TMEM232: variants seen among roughly 807,000 people sequenced by gnomAD.
The protein encoded by TMEM232 is transmembrane protein 232.
A neutral mutation model predicts 78.8 loss-of-function variants in TMEM232; 80 were observed. The ratio of observed to expected loss-of-function variants is 1.01; its 90% confidence interval spans 0.85 to 1.22. TMEM232 has a LOEUF of 1.22. TMEM232 is among the 50% of genes most tolerant of loss of function. TMEM232 has a pLI of 0.00. For missense variants in TMEM232, 881 were observed against 742.2 expected, an observed-to-expected ratio of 1.19 and a Z score of -2.17; for synonymous variants, 297 against 254.3, an observed-to-expected ratio of 1.17 and a Z score of -1.60.
chr5:110,721,338 C>T (rs1400581441), intron 1 of TMEM232, among the ~76,000 whole-genome samples: 2 of 151,772 alleles, frequency 1.3e-5, no homozygotes, highest in Non-Finnish European at 2.9e-5. Flanking sequence ...GCTTTTTGTG[C>T]GTCTTTTAAG....
intron 13 of TMEM232, among the ~76,000 whole-genome samples, chr5:110,423,438 A>T (rs767280205): frequency 1.3e-5 from 2 of 152,180 alleles, no homozygotes; most frequent in Non-Finnish European, 2.9e-5. Context: ...AAAATAAGTG[A>T]TATATACATG....
chr5:110,663,591 G>A (rs902949963), intron 2 of TMEM232, among the ~76,000 whole-genome samples: 2 of 151,720 alleles, frequency 1.3e-5, no homozygotes, highest in East Asian at 1.9e-4. Context: ...TAAATGGAGC[G>A]ATATACCATG....
chr5:110,520,799 T>A (rs1005018549), intron 12 of TMEM232, among the ~76,000 whole-genome samples: 2 of 152,062 alleles, frequency 1.3e-5, no homozygotes, highest in African/African-American at 4.8e-5. Flanking sequence ...ATGCTTATAA[T>A]CCCAGCTGCT....
At chr5:110,738,334 T>G (rs1409287239), upstream of TMEM232, 1 of 1,063,000 alleles carries the variant, frequency 9.4e-7, no homozygotes, top group Non-Finnish European at 1.2e-6. Context: ...TTCAATACCC[T>G]GAGTGATTTA....
intron 8 of TMEM232, among the ~76,000 whole-genome samples, chr5:110,610,120 T>A (rs910268048): frequency 9.5e-5 from 14 of 148,036 alleles, no homozygotes; most frequent in African/African-American, 3.1e-4. Context: ...ACTACAGAAA[T>A]AACAGAGAAA....
intron 10 of TMEM232, among the ~76,000 whole-genome samples, chr5:110,588,624 G>A (rs1779134148): frequency 6.6e-6 from 1 of 152,086 alleles, no homozygotes; most frequent in South Asian, 2.1e-4. Flanking sequence ...ATTTATTTTG[G>A]TTGCCTCCAG....
rs544830510 is a variant in TMEM232 at position 110,527,555 on chromosome 5, C to T, written c.1703+1033G>A. Among the ~76,000 whole-genome samples, 25 of 151,876 alleles carry T rather than the reference C, an allele frequency of 1.6e-4. 1 individual carries two copies. The South Asian group carries it at 5.2e-3, about 31-fold the overall frequency. On this transcript the variant is annotated intron_variant, in intron 12 of 13. Coordinates refer to ENST00000455884, the MANE Select transcript of TMEM232 (RefSeq NM_001039763.4). ...ATCCACTGGGTTAAATTCCTCTAAG[C>T]CAGGAACAAAAGGCTCTTACATTAG...
At chr5:110,478,400 G>A (rs995830356) in intron 12 of TMEM232, among the ~76,000 whole-genome samples, 5 of 151,842 alleles carry the variant, frequency 3.3e-5, no homozygotes, top group African/African-American at 4.8e-5. Flanking sequence ...CTAAGGATTT[G>A]CCTATGCATG....
chr5:110,447,352 G>A (rs1759775996), intron 12 of TMEM232, among the ~76,000 whole-genome samples: 1 of 152,012 alleles, frequency 6.6e-6, no homozygotes, highest in Admixed American at 6.6e-5. Flanking sequence ...CTAGGAATCA[G>A]GTTAGGCACT....
chr5:110,678,878 A>C (rs73228149), intron 1 of TMEM232, among the ~76,000 whole-genome samples: 330 of 152,296 alleles, frequency 2.2e-3, no homozygotes, highest in African/African-American at 7.2e-3. Flanking sequence ...TTTAGTGTTA[A>C]ATAATATTCT....
intron 12 of TMEM232, among the ~76,000 whole-genome samples, chr5:110,468,488 A>ATAAC (rs1206985652): frequency 6.6e-6 from 1 of 152,114 alleles, no homozygotes; most frequent in Admixed American, 6.5e-5. Context: ...AAATAAATTT[A>ATAAC]TAACTTTAAA....
chr5:110,504,953 C>T (rs911439494), intron 12 of TMEM232, among the ~76,000 whole-genome samples: 55 of 152,192 alleles, frequency 3.6e-4, no homozygotes, highest in Admixed American at 3.3e-4. Context: ...TATTTTCATA[C>T]AAGAAACTAT....
At chr5:110,592,413 A>G (rs1273322256) in intron 10 of TMEM232, among the ~76,000 whole-genome samples, 1 of 152,182 alleles carries the variant, frequency 6.6e-6, no homozygotes, top group Non-Finnish European at 1.5e-5. Context: ...GACAAATGCC[A>G]CTAGTACTAT....
intron 11 of TMEM232, among the ~76,000 whole-genome samples, chr5:110,547,841 T>C (rs1012918182): frequency 7.3e-5 from 11 of 150,990 alleles, no homozygotes; most frequent in African/African-American, 2.7e-4. Context: ...CTACTAAAAA[T>C]ACAAAAATTA....
intron 10 of TMEM232, among the ~76,000 whole-genome samples, chr5:110,585,281 T>C (rs920003079): frequency 1.6e-4 from 24 of 152,132 alleles, no homozygotes; most frequent in Non-Finnish European, 5.9e-5. Context: ...CAGGGCTAGA[T>C]TAAAATTATT....
chr5:110,490,368 A>G (rs1764953994), intron 12 of TMEM232, among the ~76,000 whole-genome samples: 1 of 152,144 alleles, frequency 6.6e-6, no homozygotes, highest in Non-Finnish European at 1.5e-5. Flanking sequence ...GGGATTAAAG[A>G]CCAAAATGTA....
chr5:110,443,254 G>A (rs539694424), intron 12 of TMEM232, among the ~76,000 whole-genome samples: 30 of 152,240 alleles, frequency 2.0e-4, no homozygotes, highest in Middle Eastern at 3.4e-3. Flanking sequence ...GAAGTTTACC[G>A]ATGTTCTATT....
At chr5:110,598,632 C>A (rs113652186) in intron 10 of TMEM232, among the ~76,000 whole-genome samples, 1 of 151,828 alleles carries the variant, frequency 6.6e-6, no homozygotes, top group South Asian at 2.1e-4. Context: ...CAATGATAGA[C>A]TGGATTAAGA....
intron 1 of TMEM232, among the ~76,000 whole-genome samples, chr5:110,670,567 T>A (rs1226049936): frequency 1.3e-5 from 2 of 152,160 alleles, no homozygotes; most frequent in Non-Finnish European, 2.9e-5. Context: ...CCAACGTAAT[T>A]TATAGATTCA....
Sources: allele counts gnomAD v4.1 joint callset (sites outside exome capture counted in the v4.1 genomes callset), GRCh38; gene constraint gnomAD v4.1.1; transcripts MANE v1.5; gene names NCBI Gene and HGNC (gene_info 2026-07-23, HGNC 2026-07-21).